DMD: variants seen among roughly 807,000 people sequenced by gnomAD.
The protein encoded by DMD is mutant dystrophin.
Under a neutral mutation model 330.1 loss-of-function variants are expected in DMD, and 63 were observed. The observed-to-expected ratio is 0.19, with a 90% CI of 0.16 to 0.24. The LOEUF is 0.24. Among genes scored for constraint, DMD ranks in the 10% least tolerant of loss-of-function variants. The pLI, the probability that DMD is intolerant of heterozygous loss-of-function variation, is 1.00. For missense variants in DMD, 3,344 were observed against 2,684.1 expected, an observed-to-expected ratio of 1.25 and a Z score of -5.43; for synonymous variants, 1,223 against 959.8, an observed-to-expected ratio of 1.27 and a Z score of -5.07.
chrX:32,538,679 T>C (rs1017275725), intron 17 of DMD, among the ~76,000 whole-genome samples: 5 of 111,127 alleles, frequency 4.5e-5, no homozygotes, highest in Non-Finnish European at 9.4e-5. Flanking sequence ...ATTTCCAAAG[T>C]GTGGGCCCTA....
chrX:31,524,890 T>C (rs1404545416), intron 55 of DMD, among the ~76,000 whole-genome samples: 1 of 112,138 alleles, frequency 8.9e-6, no homozygotes, highest in Non-Finnish European at 1.9e-5. Context: ...AATGGATGAA[T>C]GCTTGCTCCT....
chrX:32,418,972 CAAAAAAAAAA>C (rs1160282195), intron 29 of DMD, among the ~76,000 whole-genome samples: 6 of 13,511 alleles, frequency 4.4e-4, no homozygotes, highest in African/African-American at 1.3e-3. Flanking sequence ...GACTCTGTCT[CAAAAAAAAAA>C]AAAAAAAAAA....
intron 53 of DMD, among the ~76,000 whole-genome samples, chrX:31,668,214 A>G (rs1202363229): frequency 9.0e-6 from 1 of 111,447 alleles, no homozygotes; most frequent in Non-Finnish European, 1.9e-5. Flanking sequence ...CATTCTGAGG[A>G]TTGTCTTTTC....
At chrX:31,681,607 C>A (rs2082384962) in intron 52 of DMD, among the ~76,000 whole-genome samples, 1 of 112,300 alleles carries the variant, frequency 8.9e-6, no homozygotes, top group African/African-American at 3.2e-5. Flanking sequence ...GGCATGGGAG[C>A]CCAATGATGA....
At chrX:32,218,427 G>A (rs778918106) in intron 43 of DMD, among the ~76,000 whole-genome samples, 1 of 111,729 alleles carries the variant, frequency 9.0e-6, no homozygotes, top group African/African-American at 3.2e-5. Context: ...ACAGATTACC[G>A]GCTATGGTGC....
At position 31,121,521 on chromosome X, in the gene DMD, AATCTTTCTTT is replaced by A. The variant is rs973703502; in HGVS notation, c.*388_*397del. The A allele has an allele frequency of 4.8e-6, 1 of 206,823 alleles. No homozygotes were observed. The highest frequency in any genetic ancestry group is 3.0e-5 in the African/African-American group (1 of 33,270). The allele number at this position is 206,823 out of a possible 1,213,427, so 17.0% of individuals were successfully genotyped here. ...TTTTATAAAGCACACTTTAGTTTACAATCTTTCTTTATAACTGTTATAAATTTTTAAACAA... is the reference window on the plus strand; with the variant it reads ...TTTTATAAAGCACACTTTAGTTTACAATAACTGTTATAAATTTTTAAACAA... On this transcript the variant is annotated 3_prime_UTR_variant, in exon 79 of 79. Coordinates refer to ENST00000357033, the MANE Select transcript of DMD (RefSeq NM_004006.3).
rs757088996 is a variant in DMD at position 32,699,107 on chromosome X, T to C, written c.831+5A>G. On this transcript the variant is annotated splice_donor_5th_base_variant and intron_variant, in intron 8 of 78. Transcript: ENST00000357033. ...TGAATAGTAGCTGTCCTTTACACAC[T>C]TTACCTGTTGAGAATAGTGCATTTG... 1.7e-6 allele frequency: 2 copies of C among 1,206,040 alleles called. No homozygotes were observed. The highest frequency in any genetic ancestry group is 1.1e-6 in the Non-Finnish European group (1 of 890,451).
At chrX:33,180,010 A>T (rs922324217) in intron 1 of DMD, among the ~76,000 whole-genome samples, 2 of 109,484 alleles carry the variant, frequency 1.8e-5, no homozygotes, top group Non-Finnish European at 3.8e-5. Context: ...CTAATTTTGT[A>T]TTTTTAGTAG....
intron 44 of DMD, among the ~76,000 whole-genome samples, chrX:32,021,925 T>C (rs762926158): frequency 2.7e-5 from 3 of 112,036 alleles, no homozygotes; most frequent in Non-Finnish European, 5.6e-5. Context: ...AATAAATATG[T>C]GTTAATTGTA....
chrX:32,424,164 T>G (rs1338198243), intron 29 of DMD, among the ~76,000 whole-genome samples: 3 of 110,327 alleles, frequency 2.7e-5, no homozygotes, highest in Non-Finnish European at 5.7e-5. Context: ...GCAGTCACCT[T>G]GAACACAGAG....
chrX:32,550,165 C>T (rs1187368096), intron 16 of DMD, among the ~76,000 whole-genome samples: 4 of 110,315 alleles, frequency 3.6e-5, no homozygotes, highest in Non-Finnish European at 7.6e-5. Flanking sequence ...AGTGTAGGCA[C>T]AATGGTAAGT....
At position 31,836,876 on chromosome X, in the gene DMD, T is replaced by C. The variant is rs1044845346; in HGVS notation, c.7099-57A>G. The C allele has an allele frequency of 5.1e-6, 5 of 975,102 alleles. No homozygotes were observed. The African/African-American group carries it at 9.5e-5, about 19-fold the overall frequency. 80.4% of individuals were successfully genotyped at this position (975,102 alleles called of 1,213,427 possible). On this transcript the variant is annotated intron_variant, in intron 48 of 78. Coordinates refer to ENST00000357033, the MANE Select transcript of DMD (RefSeq NM_004006.3). ...ACTTCACAGTTAGCAATAAAATTAC[T>C]AAATTTAAATATACCCTTGGAGACT... is the stretch of plus-strand genomic sequence containing the variant.
At chrX:31,259,365 C>T (rs1166910323) in intron 63 of DMD, among the ~76,000 whole-genome samples, 1 of 111,688 alleles carries the variant, frequency 9.0e-6, no homozygotes, top group Non-Finnish European at 1.9e-5. Flanking sequence ...GAAAGACCAG[C>T]TTGCCCAGGA....
At chrX:32,625,690 A>G (rs1000395445) in intron 11 of DMD, among the ~76,000 whole-genome samples, 3 of 112,578 alleles carry the variant, frequency 2.7e-5, no homozygotes, top group African/African-American at 6.4e-5. Context: ...ATGGAAATAC[A>G]TTATAAAATG....
At chrX:32,338,673 G>A (rs974084678) in intron 41 of DMD, among the ~76,000 whole-genome samples, 6 of 111,079 alleles carry the variant, frequency 5.4e-5, no homozygotes, top group African/African-American at 2.0e-4. Flanking sequence ...ATTTTAGTTT[G>A]TAAGCTTATG....
chrX:32,468,525 C>G lies in DMD; in HGVS notation c.3135G>C (p.Glu1045Asp). 1.7e-6 allele frequency: 2 copies of G among 1,208,753 alleles called. No individual in the cohort carries two copies. Among genetic ancestry groups the G allele is most frequent in the Non-Finnish European group, 2.2e-6 (2 of 893,800 alleles). The change falls in exon 23 of 79, where the codon GAG becomes GAC. Residue 1045 changes from glutamate to aspartate, a missense_variant. Transcript: ENST00000357033. Reference protein sequence around the residue: ...QLVEHCQKLEEQMNKLRKIQN... With the variant: ...QLVEHCQKLEDQMNKLRKIQN... ...GAATTTTTCGGAGTTTATTCATTTG[C>G]TCCTCTAGCTTTTGACAATGCTCAA...
intron 53 of DMD, among the ~76,000 whole-genome samples, chrX:31,669,482 A>G (rs762015156): frequency 8.9e-6 from 1 of 111,777 alleles, no homozygotes; most frequent in South Asian, 3.7e-4. Flanking sequence ...CATTTAAGCT[A>G]ATTTTTGTGT....
intron 4 of DMD, among the ~76,000 whole-genome samples, chrX:32,828,528 TATAGAC>T (rs1465295518): frequency 1.8e-5 from 2 of 110,113 alleles, no homozygotes; most frequent in African/African-American, 6.6e-5. Flanking sequence ...TTCAGGGAGA[TATAGAC>T]ATATCTATAC....
rs1231745182 is a variant in DMD at position 32,644,166 on chromosome X, A to T, written c.1297T>A (p.Cys433Ser). 1 of 1,210,751 alleles carries T rather than the reference A, an allele frequency of 8.3e-7. No homozygotes were observed. Among genetic ancestry groups the T allele is most frequent in the East Asian group, 3.0e-5 (1 of 33,807 alleles). ...QMNLLNSRWE[C>S]LRVASMEKQS... ...TTTTCCATGCTAGCTACCCTGAGGC[A>T]TTCCCATCTTGAATTTAGGAGATTC... The change falls in exon 11 of 79, where the codon TGC becomes AGC. Residue 433 changes from cysteine to serine, a missense_variant. Physicochemically the swap from Cys to Ser is moderately radical, Grantham distance 112. Coordinates refer to ENST00000357033, the MANE Select transcript of DMD (RefSeq NM_004006.3).
Sources: allele counts gnomAD v4.1 joint callset (sites outside exome capture counted in the v4.1 genomes callset), GRCh38; gene constraint gnomAD v4.1.1; transcripts MANE v1.5; gene names NCBI Gene and HGNC (gene_info 2026-07-23, HGNC 2026-07-21).